The following MTUS2 variants were observed in gnomAD, a reference collection of about 807,000 sequenced individuals.
MTUS2 encodes microtubule associated scaffold protein 2, also known as microtubule-associated tumor suppressor candidate 2.
In MTUS2, 40 loss-of-function variants were observed where a neutral mutation model predicts 114.1. The ratio of observed to expected loss-of-function variants is 0.35; its 90% confidence interval spans 0.27 to 0.46. The LOEUF (loss-of-function observed/expected upper bound fraction) is 0.46, where lower values mean the gene tolerates loss of function less well. Ranked by LOEUF, MTUS2 falls within the 20% of genes least tolerant of loss-of-function variation. The pLI is 1.00. For synonymous variants in MTUS2, 688 were observed against 672.0 expected, an observed-to-expected ratio of 1.02 and a Z score of -0.37; for missense variants, 1,679 against 1,705.4, an observed-to-expected ratio of 0.98 and a Z score of 0.27.
chr13:29,448,805 G>A (rs1034172236), intron 9 of MTUS2, among the ~76,000 whole-genome samples: 6 of 144,280 alleles, frequency 4.2e-5, no homozygotes, highest in African/African-American at 1.1e-4. Flanking sequence ...CCAAACTGGA[G>A]TGCAGTGGTG....
intron 5 of MTUS2, among the ~76,000 whole-genome samples, chr13:29,111,754 C>A (rs528156987): frequency 6.6e-6 from 1 of 151,788 alleles, no homozygotes; most frequent in Admixed American, 6.6e-5. Flanking sequence ...GTAGACAGAG[C>A]GAAGAGATTG....
rs775175224 is a variant in MTUS2 at position 29,026,460 on chromosome 13, C to T, written c.1762C>T (p.Pro588Ser). 1 of 1,613,988 alleles carries T rather than the reference C, an allele frequency of 6.2e-7. No homozygotes were observed. The highest frequency in any genetic ancestry group is 2.2e-5 in the East Asian group (1 of 44,878). The change falls in exon 3 of 16, where the codon CCT (proline) becomes TCT (serine). Residue 588 changes from proline (P) to serine (S), a missense_variant. Around this residue, in one of 3 missense-constraint regions of MTUS2, gnomAD observed 843 missense variants for 770.8 expected, o/e 1.09. Transcript: ENST00000612955. ...ARLLNTSPKV[P>S]DKNTCPSGIP... is the part of the protein sequence containing the mutation. ...CTTGTTGAACACGTCCCCCAAAGTG[C>T]CTGACAAGAACACTTGCCCCAGTGG...
At chr13:29,463,635 A>G (rs988556081) in intron 9 of MTUS2, among the ~76,000 whole-genome samples, 3 of 152,104 alleles carry the variant, frequency 2.0e-5, no homozygotes, top group Non-Finnish European at 2.9e-5. Flanking sequence ...ATTCAATCCC[A>G]GGTGCTCTGC....
chr13:29,201,526 A>G (rs574277087), intron 5 of MTUS2, among the ~76,000 whole-genome samples: 1 of 152,240 alleles, frequency 6.6e-6, no homozygotes, highest in South Asian at 2.1e-4. Context: ...TAATATGGTT[A>G]TGTGTGAATT....
chr13:28,923,234 C>G (rs1274652594), intron 2 of MTUS2, among the ~76,000 whole-genome samples: 1 of 152,072 alleles, frequency 6.6e-6, no homozygotes, highest in Non-Finnish European at 1.5e-5. Flanking sequence ...CTTTAAAATC[C>G]TTGTCAGAGA....
At chr13:29,307,347 A>G (rs1899519695) in intron 6 of MTUS2, 4 of 720,870 alleles carry the variant, frequency 5.5e-6, no homozygotes, top group Non-Finnish European at 1.0e-5. Flanking sequence ...CTGTGGATGG[A>G]CCATCCAGGA....
At chr13:29,498,233 C>T (rs1392470556) in intron 13 of MTUS2, among the ~76,000 whole-genome samples, 185 bp from the exon 14 acceptor site, 1 of 152,206 alleles carries the variant, frequency 6.6e-6, no homozygotes, top group African/African-American at 2.4e-5. Context: ...TAGGAGGGTT[C>T]TCAGCAGGAA....
At chr13:29,008,195 A>G (rs547091719) in intron 2 of MTUS2, among the ~76,000 whole-genome samples, 11 of 152,296 alleles carry the variant, frequency 7.2e-5, no homozygotes, top group Non-Finnish European at 1.3e-4. Context: ...AAGTCAGTCA[A>G]CAGAGCCCCA....
intron 9 of MTUS2, chr13:29,476,760 A>C (rs1880736405): frequency 6.6e-6 from 1 of 152,172 alleles, no homozygotes; most frequent in Non-Finnish European, 1.5e-5. Flanking sequence ...GATTAGTTAT[A>C]TTTCACCTGG....
At chr13:29,473,394 A>T (rs1880457646) in intron 9 of MTUS2, among the ~76,000 whole-genome samples, 1 of 152,178 alleles carries the variant, frequency 6.6e-6, no homozygotes, top group Non-Finnish European at 1.5e-5. Context: ...AGTCGTTGAG[A>T]GCAAATTGAT....
At position 29,100,833 on chromosome 13, in the gene MTUS2, T is replaced by G. The variant is rs1245816507; in HGVS notation, c.2507T>G (p.Leu836Arg). The G allele has an allele frequency of 6.4e-7, 1 of 1,551,718 alleles. No homozygotes were observed. The highest frequency in any genetic ancestry group is 2.0e-5 in the Admixed American group (1 of 50,982). The change falls in exon 5 of 16, where the codon CTC becomes CGC. Residue 836 changes from leucine (L) to arginine (R), a missense_variant. Physicochemically the swap from Leu to Arg is moderately radical, Grantham distance 102. Transcript: ENST00000612955. ...AAKSNLPKSG[L>R]RPPGYSRLPA... ...AAATCCAATCTCCCGAAATCTGGTC[T>G]CCGTCCTCCCGGATACTCACGTCTC...
intron 2 of MTUS2, among the ~76,000 whole-genome samples, chr13:28,853,345 T>C (rs1021066049): frequency 1.3e-5 from 2 of 152,272 alleles, no homozygotes; most frequent in African/African-American, 2.4e-5. Context: ...ATGTTCCTAC[T>C]GGTTACATAT....
At chr13:28,947,267 T>G (rs929207956) in intron 2 of MTUS2, among the ~76,000 whole-genome samples, 3 of 152,126 alleles carry the variant, frequency 2.0e-5, no homozygotes, top group Non-Finnish European at 4.4e-5. Flanking sequence ...AGGGGATGCT[T>G]TCAAAGGTCT....
intron 9 of MTUS2, among the ~76,000 whole-genome samples, chr13:29,460,806 A>G (rs1375017344): frequency 6.6e-6 from 1 of 152,000 alleles, no homozygotes; most frequent in East Asian, 1.9e-4. Flanking sequence ...AGATCAGGGG[A>G]TAGACTGATT....
At chr13:29,446,680 A>C (rs997069731) in intron 9 of MTUS2, among the ~76,000 whole-genome samples, 3 of 152,208 alleles carry the variant, frequency 2.0e-5, no homozygotes, top group African/African-American at 7.2e-5. Flanking sequence ...CATTTGTCCC[A>C]AGTGTATCTG....
intron 5 of MTUS2, among the ~76,000 whole-genome samples, chr13:29,157,148 A>T (rs190452845): frequency 3.3e-5 from 5 of 152,118 alleles, no homozygotes; most frequent in Non-Finnish European, 7.4e-5. Context: ...TTTGTTTCCA[A>T]TGTGGAACTA....
intron 2 of MTUS2, among the ~76,000 whole-genome samples, chr13:28,999,524 A>G (rs1384040472): frequency 6.6e-6 from 1 of 152,240 alleles, no homozygotes; most frequent in Non-Finnish European, 1.5e-5. Context: ...ATACATATTT[A>G]TGGGGTACCA....
chr13:29,099,346 C>G (rs1890312738), intron 4 of MTUS2, among the ~76,000 whole-genome samples: 1 of 152,182 alleles, frequency 6.6e-6, no homozygotes, highest in Admixed American at 6.5e-5. Context: ...CGGTTCCTCC[C>G]CATCCTAGTC....
intron 2 of MTUS2, among the ~76,000 whole-genome samples, chr13:28,969,589 G>A (rs1437097908): frequency 2.6e-5 from 4 of 151,780 alleles, no homozygotes; most frequent in East Asian, 1.9e-4. Context: ...TGCCACATCC[G>A]CCTCCCGGGT....
Sources: gnomAD v4.1 joint callset for allele counts (sites outside exome capture counted in the v4.1 genomes callset) on GRCh38, gnomAD v4.1.1 for gene constraint, gnomAD v4.1.1 regional missense constraint, MANE v1.5 for transcripts, NCBI Gene and HGNC (gene_info 2026-07-23, HGNC 2026-07-21) for gene names.